POP5: variants seen among roughly 807,000 people sequenced by gnomAD.
The protein encoded by POP5 is ribonuclease P/MRP protein subunit POP5.
In POP5, 18 loss-of-function variants were observed where a neutral mutation model predicts 20.7. The observed-to-expected ratio is 0.87, with a 90% CI of 0.60 to 1.29. The LOEUF (loss-of-function observed/expected upper bound fraction) is 1.29, where lower values mean the gene tolerates loss of function less well. POP5 is among the 50% of genes most tolerant of loss of function. The pLI is 0.00. For missense variants in POP5, 200 were observed against 203.2 expected (o/e 0.98, Z 0.10); for synonymous variants, 91 against 78.0 (o/e 1.17, Z -0.88).
chr12:120,578,916 CAAAA>C lies in POP5; in HGVS notation c.*398_*401del, dbSNP rs570255197. On this transcript the variant is annotated 3_prime_UTR_variant, in exon 5 of 5. Coordinates refer to ENST00000357500, the MANE Select transcript of POP5 (RefSeq NM_015918.4). Reference sequence around the variant, plus strand: ...CCTGGGTGATAGACTGAGACTGTCTCAAAAAAAAAAGTTTAACTAGTACCACATA... The same window carrying C: ...CCTGGGTGATAGACTGAGACTGTCTCAAAAAAGTTTAACTAGTACCACATA... 1 of 191,220 alleles carries C rather than the reference CAAAA, an allele frequency of 5.2e-6. No homozygotes were observed. Among genetic ancestry groups the C allele is most frequent in the Non-Finnish European group, 1.1e-5 (1 of 92,636 alleles). 11.8% of individuals were successfully genotyped at this position (191,220 alleles called of 1,614,324 possible). A position where few individuals can be genotyped will look rare whatever the true frequency, so the allele number is the denominator to read the frequency against.
At chr12:120,581,039 T>C (rs1228576098) in intron 2 of POP5, 76 bp downstream of exon 2, 1 of 1,568,262 alleles carries the variant, frequency 6.4e-7, no homozygotes, top group Non-Finnish European at 8.6e-7. Context: ...GTGCCCCTTC[T>C]TTCTTCCTCC....
In POP5 at chr12:120,581,350, T is replaced by C. The variant is rs2137290087; in HGVS notation, c.13A>G (p.Lys5Glu). The C allele has an allele frequency of 2.5e-6, 4 of 1,613,528 alleles. No individual in the cohort carries two copies. The East Asian group carries it at 8.9e-5, about 36-fold the overall frequency. MVRF[K>E]HRYLLCELVS... ...CTGGAAGGGAATGCTTACCTGTGCT[T>C]GAACCGCACCATGGCTGCCTCCGCG... is the stretch of plus-strand genomic sequence containing the variant. Residue 5 changes from lysine (K) to glutamate (E), a missense_variant, in exon 1 of 5, where the codon AAG becomes GAG. Coordinates refer to ENST00000357500, the MANE Select transcript of POP5 (RefSeq NM_015918.4).
At position 120,579,103 on chromosome 12, in the gene POP5, T is replaced by C; in HGVS notation, c.*215A>G. On this transcript the variant is annotated 3_prime_UTR_variant, in exon 5 of 5. Transcript: ENST00000357500. ...CTCTTAGCCAAGCAATAAAGATGTC[T>C]ACAGAGTTCACAACCTGCAACACTT... is the stretch of plus-strand genomic sequence containing the variant. The C allele has an allele frequency of 1.7e-6, 1 of 596,126 alleles. No individual in the cohort carries two copies. The highest frequency in any genetic ancestry group is 2.0e-5 in the South Asian group (1 of 49,988). 36.9% of individuals were successfully genotyped at this position (596,126 alleles called of 1,614,324 possible).
At chr12:120,580,130 C>G (rs1877787228) in intron 2 of POP5, 1 of 485,370 alleles carries the variant, frequency 2.1e-6, no homozygotes, top group African/African-American at 2.0e-5. Flanking sequence ...TAATTCCAGC[C>G]ACTCAGGAGG....
rs563191858 is a variant in POP5 at position 120,579,480 on chromosome 12, A to G, written c.397+34T>C. On this transcript the variant is annotated intron_variant, in intron 4 of 4. Transcript: ENST00000357500. ...TGATTTCTTCAGCTTAAGGTCAGTC[A>G]CTGCTCAGTGGGCACTGGGCTAGTG... 2.5e-6 allele frequency: 4 copies of G among 1,607,682 alleles called. No individual in the cohort carries two copies. The African/African-American group carries it at 4.0e-5, about 16-fold the overall frequency.
chr12:120,580,783 G>A (rs7296473), intron 2 of POP5: 40,952 of 305,688 alleles, frequency 0.13, 3,347 homozygotes, highest in African/African-American at 0.27. Flanking sequence ...TAATGTAATC[G>A]GTCATATAAT....
At position 120,579,378 on chromosome 12, in the gene POP5, T is replaced by G; in HGVS notation, c.432A>C (p.Arg144Ser). 4 of 1,614,228 alleles carry G rather than the reference T, an allele frequency of 2.5e-6. No homozygotes were observed. The highest frequency in any genetic ancestry group is 3.4e-6 in the Non-Finnish European group (4 of 1,180,030). ...EREAIQKSVT[R>S]SCLLEEEEES... ...CCTCCTCCTCCTCTAATAAGCAGCT[T>G]CTTGTCACAGACTTCTGGATAGCTT... is the stretch of plus-strand genomic sequence containing the variant. Residue 144 changes from arginine to serine, a missense_variant, in exon 5 of 5, where the codon AGA (arginine) becomes AGC (serine). Arg to Ser is a moderately radical substitution (Grantham distance 110, BLOSUM62 -1). Coordinates refer to ENST00000357500, the MANE Select transcript of POP5 (RefSeq NM_015918.4).
In POP5 at chr12:120,579,785, A is replaced by C; in HGVS notation, c.302T>G (p.Leu101Ter). Reference protein sequence around the residue: ...GHRYPCFFNTLHVGGTIRTCQ... With the variant: ...GHRYPCFFNT ...CACCTCACTCCTACCTCCCACATGT[A>C]ATGTGTTGAAAAAGCATGGGTAACG... Residue 101 changes from leucine to a stop codon, truncating the protein, a stop_gained, in exon 3 of 5, where the codon TTA becomes TGA. Coordinates refer to ENST00000357500, the MANE Select transcript of POP5 (RefSeq NM_015918.4). LOFTEE classifies it high-confidence loss of function. The C allele has an allele frequency of 6.2e-7, 1 of 1,607,136 alleles. No individual in the cohort carries two copies. Among genetic ancestry groups the C allele is most frequent in the Non-Finnish European group, 8.5e-7 (1 of 1,173,606 alleles).
At chr12:120,580,988 A>C in intron 2 of POP5, 127 bp downstream of exon 2, 4 of 1,419,078 alleles carry the variant, frequency 2.8e-6, no homozygotes, top group Non-Finnish European at 3.8e-6. Flanking sequence ...AGGCGCTTAA[A>C]GAGATACCTT....
At position 120,579,624 on chromosome 12, in the gene POP5, A is replaced by G. The variant is rs368277242; in HGVS notation, c.314-27T>C. The G allele has an allele frequency of 7.5e-6, 12 of 1,596,396 alleles. No homozygotes were observed. In the African/African-American group the frequency reaches 1.6e-4, roughly 21 times the overall value. On this transcript the variant is annotated intron_variant, in intron 3 of 4. Coordinates refer to ENST00000357500, the MANE Select transcript of POP5 (RefSeq NM_015918.4). ...TGGCATATGAGTTACTGTGGTCAAC[A>G]GCTTGTGAAAGATCTCGACCTTACA...
intron 2 of POP5, 32 bp downstream of exon 2, chr12:120,581,083 C>G: frequency 6.2e-7 from 1 of 1,601,980 alleles, no homozygotes; most frequent in East Asian, 2.2e-5. Flanking sequence ...GCCATCCTCC[C>G]GGGTTCCCCT....
rs1397913649 is a variant in POP5 at position 120,581,337 on chromosome 12, G to T, written c.20+6C>A. The T allele has an allele frequency of 6.2e-7, 1 of 1,613,818 alleles. No individual in the cohort carries two copies. Among genetic ancestry groups the T allele is most frequent in the Non-Finnish European group, 8.5e-7 (1 of 1,179,908 alleles). ...GCACTGGGAGGGTCTGGAAGGGAAT[G>T]CTTACCTGTGCTTGAACCGCACCAT... On this transcript the variant is annotated splice_donor_region_variant and intron_variant, in intron 1 of 4. Transcript: ENST00000357500.
In POP5 at chr12:120,581,135, G is replaced by A. The variant is rs1877842663; in HGVS notation, c.143C>T (p.Ala48Val). Residue 48 changes from alanine to valine, a missense_variant, in exon 2 of 5, where the codon GCC becomes GTC. Coordinates refer to ENST00000357500, the MANE Select transcript of POP5 (RefSeq NM_015918.4). ...ARVHGTFGAA[A>V]CSIGFAVRYL... ...TGCACCCGCGAAGCCGATGGAGCAG[G>A]CGGCTGCGCCGAAAGTTCCGTGCAC... The A allele has an allele frequency of 6.2e-7, 1 of 1,612,470 alleles. No homozygotes were observed. The highest frequency in any genetic ancestry group is 8.5e-7 in the Non-Finnish European group (1 of 1,180,010).
At chr12:120,579,638 CT>C in intron 3 of POP5, 41 bp from the exon 4 acceptor site, 1 of 1,575,886 alleles carries the variant, frequency 6.3e-7, no homozygotes, top group Admixed American at 1.7e-5. Flanking sequence ...TGTGAAAGAT[CT>C]CGACCTTACA....
In POP5 at chr12:120,579,892, C is replaced by T. The variant is rs754683439; in HGVS notation, c.195G>A (p.Val65=). 6 of 1,613,326 alleles carry T rather than the reference C, an allele frequency of 3.7e-6. No individual in the cohort carries two copies. The South Asian group carries it at 5.5e-5, about 15-fold the overall frequency. ...AGAATTCTTTTCTGCATCGAAGTAG[C>T]ACTATTCCAGTATAGGCATTGAGAT... ...VRYLNAYTGI[V]LLRCRKEFYQ... is the part of the protein sequence containing the mutation. The change falls in exon 3 of 5, where the codon GTG becomes GTA. Residue 65 remains valine, a synonymous_variant. Coordinates refer to ENST00000357500, the MANE Select transcript of POP5 (RefSeq NM_015918.4).
At chr12:120,580,202 G>T (rs769979993) in intron 2 of POP5, 57 of 325,624 alleles carry the variant, frequency 1.8e-4, no homozygotes, top group Non-Finnish European at 2.5e-4. Flanking sequence ...CGATCTCGCT[G>T]CTGCACTCCA....
Position 120,580,018 on chromosome 12 carries a change from G to C in POP5, c.164-95C>G, listed in dbSNP as rs1177305846. On this transcript the variant is annotated intron_variant, in intron 2 of 4. Transcript: ENST00000357500. ...GCACTTTGGGAGGCTGAGGCGGGCA[G>C]ATCACTTTAAGTCAGGAGTTCGAGG... The C allele has an allele frequency of 3.2e-6, 4 of 1,265,308 alleles. No individual in the cohort carries two copies. The Admixed American group carries it at 8.2e-5, about 26-fold the overall frequency. The allele number at this position is 1,265,308 out of a possible 1,614,324, so 78.4% of individuals were successfully genotyped here.
In POP5 at chr12:120,581,259, T is replaced by A; in HGVS notation, c.21-2A>T. The A allele has an allele frequency of 6.2e-7, 1 of 1,614,190 alleles. No individual in the cohort carries two copies. The highest frequency in any genetic ancestry group is 1.1e-5 in the South Asian group (1 of 91,086). ...GACACCAGTTCGCAGAGCAGGTACC[T>A]GCGGCAGGCGAGAGGAAGGTGGACA... On this transcript the variant is annotated splice_acceptor_variant, in intron 1 of 4. Transcript: ENST00000357500. LOFTEE classifies it high-confidence loss of function.
rs1023392893 is a variant in POP5 at position 120,579,668 on chromosome 12, G to C, written c.314-71C>G. 11 of 1,543,036 alleles carry C rather than the reference G, an allele frequency of 7.1e-6. No individual in the cohort carries two copies. In the African/African-American group the frequency reaches 1.1e-4, roughly 15 times the overall value. On this transcript the variant is annotated intron_variant, in intron 3 of 4. Coordinates refer to ENST00000357500, the MANE Select transcript of POP5 (RefSeq NM_015918.4). Reference sequence around the variant, plus strand: ...CCTTACAGACTTTCAGAGGTAGGGGGAAGTGTCTTGTTAGCGGGACAGCAG... The same window carrying C: ...CCTTACAGACTTTCAGAGGTAGGGGCAAGTGTCTTGTTAGCGGGACAGCAG...
Sources: allele counts gnomAD v4.1 joint callset, GRCh38; gene constraint gnomAD v4.1.1; transcripts MANE v1.5; gene names NCBI Gene and HGNC (gene_info 2026-07-23, HGNC 2026-07-21).